C2orf68: variants seen among roughly 807,000 people sequenced by gnomAD.
C2orf68 encodes the protein UPF0561 protein C2orf68.
In C2orf68, 15 loss-of-function variants were observed where a neutral mutation model predicts 19.1. That is an observed-to-expected ratio of 0.79 (90% CI 0.53 to 1.21). The LOEUF (loss-of-function observed/expected upper bound fraction) is 1.21, where lower values mean the gene tolerates loss of function less well. Ranked by LOEUF, C2orf68 falls within the 50% of genes most tolerant of loss-of-function variation. The pLI is 0.00. For missense variants in C2orf68, 242 were observed against 226.6 expected (o/e 1.07, Z -0.44); for synonymous variants, 98 against 91.0 (o/e 1.08, Z -0.44).
chr2:85,611,975 C>T lies in C2orf68; in HGVS notation c.10G>A (p.Gly4Arg). Residue 4 changes from glycine to arginine, a missense_variant, in exon 1 of 4, where the codon GGG (glycine) becomes AGG (arginine). Gly to Arg is a moderately radical substitution (Grantham distance 125). Transcript: ENST00000306336. MEAGPHPRPGHCCK... is the reference protein window; with the variant it reads MEARPHPRPGHCCK... ...CAGTGCCCCGGCCGGGGATGCGGCC[C>T]CGCCTCCATCAGGAGCCGGGGACGC... is the stretch of plus-strand genomic sequence containing the variant. The T allele has an allele frequency of 1.3e-6, 2 of 1,541,210 alleles. No homozygotes were observed. The highest frequency in any genetic ancestry group is 1.7e-6 in the Non-Finnish European group (2 of 1,155,584).
rs1478867276 is a variant in C2orf68, at chr2:85,607,831, G to A, written c.*1114C>T. ...GTACTGGAGGGGGAGGATGTCTTGT[G>A]GAATTCAGACGTAAGCCTAACCCTG... On this transcript the variant is annotated 3_prime_UTR_variant, in exon 4 of 4. Coordinates refer to ENST00000306336, the MANE Select transcript of C2orf68 (RefSeq NM_001013649.4). 3.3e-5 allele frequency: 5 copies of A among 152,198 alleles called. No homozygotes were observed. The highest frequency in any genetic ancestry group is 7.3e-5 in the Non-Finnish European group (5 of 68,046). 9.4% of individuals were successfully genotyped at this position (152,198 alleles called of 1,614,324 possible).
rs761262145 is a variant in C2orf68 at position 85,608,264 on chromosome 2, C to T, written c.*681G>A. The T allele has an allele frequency of 6.6e-6, 1 of 152,172 alleles. No individual in the cohort carries two copies. The highest frequency in any genetic ancestry group is 2.4e-5 in the African/African-American group (1 of 41,438). The allele number at this position is 152,172 out of a possible 1,614,324, so 9.4% of individuals were successfully genotyped here. ...TGGAACATGCGAGAAACGAAAAAGC[C>T]ATGGAAAGGGAGGGAGACATGCTTG... On this transcript the variant is annotated 3_prime_UTR_variant, in exon 4 of 4. Transcript: ENST00000306336.
intron 3 of C2orf68, 100 bp from the exon 4 acceptor site, chr2:85,609,167 G>C: frequency 6.7e-7 from 1 of 1,500,914 alleles, no homozygotes; most frequent in Non-Finnish European, 9.0e-7. Context: ...TTTAGCTCAA[G>C]GCTTTTTGCC....
chr2:85,610,632 A>G (rs1444353304), intron 2 of C2orf68: 1 of 152,050 alleles, frequency 6.6e-6, no homozygotes. Flanking sequence ...ACTTTCACTA[A>G]TGCCTAACAA....
intron 2 of C2orf68, 77 bp from the exon 3 acceptor site, chr2:85,609,663 A>T: frequency 6.4e-7 from 1 of 1,554,422 alleles, no homozygotes; most frequent in East Asian, 2.3e-5. Flanking sequence ...GCTGCAGGAA[A>T]ATATACGGTT....
chr2:85,611,627 A>T (rs780178936), intron 2 of C2orf68, 41 bp downstream of exon 2: 38 of 1,562,584 alleles, frequency 2.4e-5, no homozygotes, highest in Non-Finnish European at 3.2e-5. Context: ...CGTTGCAGGA[A>T]GAGCGCGCGG....
At chr2:85,610,898 A>C (rs909256226) in intron 2 of C2orf68, 1 of 150,810 alleles carries the variant, frequency 6.6e-6, no homozygotes, top group Non-Finnish European at 1.5e-5. Context: ...AGCTGGGACT[A>C]CAGGCGCCCA....
chr2:85,611,943 C>T lies in C2orf68; in HGVS notation c.42G>A (p.Lys14=), dbSNP rs762819333. The change falls in exon 1 of 4, where the codon AAG becomes AAA. Residue 14 remains lysine, a synonymous_variant. Coordinates refer to ENST00000306336, the MANE Select transcript of C2orf68 (RefSeq NM_001013649.4). The part of the protein sequence containing the change: ...GPHPRPGHCC[K]PGGRLDMNHG... ...GGTTCATGTCCAGCCGCCCCCCAGG[C>T]TTGCAGCAGTGCCCCGGCCGGGGAT... 43 of 1,581,732 alleles carry T rather than the reference C, an allele frequency of 2.7e-5. No individual in the cohort carries two copies. In the East Asian group the frequency reaches 9.9e-4, roughly 37 times the overall value.
At position 85,611,882 on chromosome 2, in the gene C2orf68, C is replaced by T; in HGVS notation, c.103G>A (p.Ala35Thr). The change falls in exon 1 of 4, where the codon GCT becomes ACT. Residue 35 changes from alanine (A) to threonine (T), a missense_variant. Ala to Thr is a moderately conservative substitution (Grantham distance 58). Coordinates refer to ENST00000306336, the MANE Select transcript of C2orf68 (RefSeq NM_001013649.4). ...CGGCGCAGGGCGGGGCGGTACCGAG[C>T]GATCTGGTTCCGTCGGATATGGTGC... Reference protein sequence around the residue: ...FVHHIRRNQIARDDYDKKVKQ... With the variant: ...FVHHIRRNQITRDDYDKKVKQ... The T allele has an allele frequency of 6.3e-7, 1 of 1,596,430 alleles. No homozygotes were observed. Among genetic ancestry groups the T allele is most frequent in the Non-Finnish European group, 8.5e-7 (1 of 1,176,722 alleles).
At position 85,608,905 on chromosome 2, in the gene C2orf68, G is replaced by A; in HGVS notation, c.*40C>T. ...AATTCCCTGGGCAGAATTCTTCCGA[G>A]TGCAGTGAATCCAGCCTGGAGAGAA... On this transcript the variant is annotated 3_prime_UTR_variant, in exon 4 of 4. Coordinates refer to ENST00000306336, the MANE Select transcript of C2orf68 (RefSeq NM_001013649.4). 1 of 1,607,526 alleles carries A rather than the reference G, an allele frequency of 6.2e-7. No individual in the cohort carries two copies. Among genetic ancestry groups the A allele is most frequent in the Non-Finnish European group, 8.5e-7 (1 of 1,174,748 alleles).
chr2:85,608,885 C>T lies in C2orf68; in HGVS notation c.*60G>A. ...GTCCTGGTACCCCCACACTAAATTCCCTGGGCAGAATTCTTCCGAGTGCAG... is the reference window on the plus strand; with the variant it reads ...GTCCTGGTACCCCCACACTAAATTCTCTGGGCAGAATTCTTCCGAGTGCAG... On this transcript the variant is annotated 3_prime_UTR_variant, in exon 4 of 4. Transcript: ENST00000306336. 6.3e-7 allele frequency: 1 copy of T among 1,597,406 alleles called. No individual in the cohort carries two copies. Among genetic ancestry groups the T allele is most frequent in the Non-Finnish European group, 8.6e-7 (1 of 1,168,478 alleles).
Position 85,607,320 on chromosome 2 carries a change from G to A in C2orf68, c.*1625C>T, listed in dbSNP as rs1673252621. 6.6e-6 allele frequency: 1 copy of A among 152,210 alleles called. No individual in the cohort carries two copies. The highest frequency in any genetic ancestry group is 6.5e-5 in the Admixed American group (1 of 15,282). The allele number at this position is 152,210 out of a possible 1,614,324, so 9.4% of individuals were successfully genotyped here. A position where few individuals can be genotyped will look rare whatever the true frequency, so the allele number is the denominator to read the frequency against. The stretch of plus-strand genomic sequence containing the variant: ...GGGTGGAGTTTGGGAGAGCCTTCTT[G>A]ACCCAGGAGGCTTTGGAGGGTAGTT... On this transcript the variant is annotated 3_prime_UTR_variant, in exon 4 of 4. Coordinates refer to ENST00000306336, the MANE Select transcript of C2orf68 (RefSeq NM_001013649.4).
intron 2 of C2orf68, chr2:85,611,147 G>T: frequency 3.3e-6 from 2 of 597,160 alleles, no homozygotes; most frequent in Non-Finnish European, 4.4e-6. Context: ...GGCTAAGGCT[G>T]CAGTAAGCCC....
In C2orf68 at chr2:85,607,836, T is replaced by G. The variant is rs1212687803; in HGVS notation, c.*1109A>C. 1 of 152,066 alleles carries G rather than the reference T, an allele frequency of 6.6e-6. No individual in the cohort carries two copies. The allele number at this position is 152,066 out of a possible 1,614,324, so 9.4% of individuals were successfully genotyped here. The stretch of plus-strand genomic sequence containing the variant: ...GGAGGGGGAGGATGTCTTGTGGAAT[T>G]CAGACGTAAGCCTAACCCTGCATTA... On this transcript the variant is annotated 3_prime_UTR_variant, in exon 4 of 4. Coordinates refer to ENST00000306336, the MANE Select transcript of C2orf68 (RefSeq NM_001013649.4).
At position 85,608,723 on chromosome 2, in the gene C2orf68, AAAAAAAGAATTCCAG is replaced by A; in HGVS notation, c.*207_*221del. On this transcript the variant is annotated 3_prime_UTR_variant, in exon 4 of 4. Coordinates refer to ENST00000306336, the MANE Select transcript of C2orf68 (RefSeq NM_001013649.4). ...CCTCAAAAAAAAAAAAAAAAAAAAA[AAAAAAAGAATTCCAG>A]AATATCAGGCTGGGCAAATGGGTCA... is the stretch of plus-strand genomic sequence containing the variant. 1 of 317,524 alleles carries A rather than the reference AAAAAAAGAATTCCAG, an allele frequency of 3.1e-6. No homozygotes were observed. Among genetic ancestry groups the A allele is most frequent in the African/African-American group, 2.2e-5 (1 of 46,164 alleles). The allele number at this position is 317,524 out of a possible 1,614,324, so 19.7% of individuals were successfully genotyped here. A position where few individuals can be genotyped will look rare whatever the true frequency, so the allele number is the denominator to read the frequency against.
At position 85,611,298 on chromosome 2, in the gene C2orf68, G is replaced by A. The variant is rs1214521763; in HGVS notation, c.226+370C>T. ...AGTGTGATCTCTAGGTAGCAGAGAAGCTGGGGAAAGGCCATTTACTGGGTT... is the reference window on the plus strand; with the variant it reads ...AGTGTGATCTCTAGGTAGCAGAGAAACTGGGGAAAGGCCATTTACTGGGTT... On this transcript the variant is annotated intron_variant, in intron 2 of 3. Coordinates refer to ENST00000306336, the MANE Select transcript of C2orf68 (RefSeq NM_001013649.4). The A allele has an allele frequency of 4.9e-6, 7 of 1,419,970 alleles. No individual in the cohort carries two copies. The East Asian group carries it at 1.6e-4, about 32-fold the overall frequency. The allele number at this position is 1,419,970 out of a possible 1,614,324, so 88.0% of individuals were successfully genotyped here.
rs1673576749 is a variant in C2orf68 at position 85,611,963 on chromosome 2, G to A, written c.22C>T (p.Arg8Trp). ...CCAGGCTTGCAGCAGTGCCCCGGCCGGGGATGCGGCCCCGCCTCCATCAGG... is the reference window on the plus strand; with the variant it reads ...CCAGGCTTGCAGCAGTGCCCCGGCCAGGGATGCGGCCCCGCCTCCATCAGG... MEAGPHPRPGHCCKPGGR... is the reference protein window; with the variant it reads MEAGPHPWPGHCCKPGGR... The change falls in exon 1 of 4, where the codon CGG becomes TGG. Residue 8 changes from arginine (R) to tryptophan (W), a missense_variant. Arg to Trp is a moderately radical substitution (Grantham distance 101). Coordinates refer to ENST00000306336, the MANE Select transcript of C2orf68 (RefSeq NM_001013649.4). 4 of 1,546,034 alleles carry A rather than the reference G, an allele frequency of 2.6e-6. No individual in the cohort carries two copies. Among genetic ancestry groups the A allele is most frequent in the Non-Finnish European group, 1.7e-6 (2 of 1,157,336 alleles).
chr2:85,611,706 CG>C lies in C2orf68; in HGVS notation c.187del (p.Arg63AlafsTer48). 1 of 1,588,174 alleles carries C rather than the reference CG, an allele frequency of 6.3e-7. No homozygotes were observed. The highest frequency in any genetic ancestry group is 8.6e-7 in the Non-Finnish European group (1 of 1,168,648). On this transcript the variant is annotated frameshift_variant, in exon 2 of 4. Coordinates refer to ENST00000306336, the MANE Select transcript of C2orf68 (RefSeq NM_001013649.4). LOFTEE classifies it high-confidence loss of function. ...CAGGTACACCTGCAGGTCTGGCTTG[CG>C]GGGCCGCGTCGGCGCGGGCGTGTGC... ...RRHTPAPTRP[R>X]KPDLQVYLPR...
Position 85,609,589 on chromosome 2 carries a change from G to A in C2orf68, c.227-3C>T. On this transcript the variant is annotated splice_polypyrimidine_tract_variant and splice_region_variant and intron_variant, in intron 2 of 3. Coordinates refer to ENST00000306336, the MANE Select transcript of C2orf68 (RefSeq NM_001013649.4). ...GTTGCGTGGGTGGGCAGAGACATCT[G>A]GAAGGATGAACCACAGTAAGAAAGA... The A allele has an allele frequency of 6.2e-7, 1 of 1,614,054 alleles. No homozygotes were observed. The highest frequency in any genetic ancestry group is 8.5e-7 in the Non-Finnish European group (1 of 1,180,000).
Sources: gnomAD v4.1 joint callset for allele counts on GRCh38, gnomAD v4.1.1 for gene constraint, MANE v1.5 for transcripts, NCBI Gene and HGNC (gene_info 2026-07-23, HGNC 2026-07-21) for gene names.